Variants in COLEC10 observed in about 807,000 individuals in gnomAD.
The protein encoded by COLEC10 is collectin subfamily member 10, also known as collectin-10.
Under a neutral mutation model 28.4 loss-of-function variants are expected in COLEC10, and 22 were observed. That is an observed-to-expected ratio of 0.78 (90% CI 0.55 to 1.11). COLEC10 has a LOEUF of 1.11. Ranked by LOEUF, COLEC10 falls within the 50% of genes least tolerant of loss-of-function variation. The pLI is 0.00. For synonymous variants in COLEC10, 125 were observed against 116.1 expected (o/e 1.08, Z -0.49); for missense variants, 361 against 344.1 (o/e 1.05, Z -0.39).
intron 2 of COLEC10, among the ~76,000 whole-genome samples, chr8:119,040,738 A>G (rs1814479727): frequency 6.6e-6 from 1 of 152,242 alleles, no homozygotes; most frequent in South Asian, 2.1e-4. Flanking sequence ...GGAACCAACA[A>G]GAGACAGTAA....
the COLEC10 span, among the ~76,000 whole-genome samples, chr8:118,983,292 C>T: frequency 4.6e-5 from 7 of 152,074 alleles, no homozygotes; most frequent in African/African-American, 1.7e-4. Flanking sequence ...GATTTTTACT[C>T]CTTTTGTTTA....
Position 119,103,882 on chromosome 8 carries a change from G to C in COLEC10, c.429G>C (p.Lys143Asn), listed in dbSNP as rs1273323776. ...ISIARLKTSM[K>N]FVKNVIAGIR... ...TTGCTCGGCTCAAGACATCTATGAA[G>C]TTTGTCAAGAATGGTGAGCATATTC... The change falls in exon 5 of 6, where the codon AAG (lysine) becomes AAC (asparagine). Residue 143 changes from lysine (K) to asparagine (N), a missense_variant. Physicochemically the swap from Lys to Asn is moderately conservative, Grantham distance 94 (BLOSUM62 0). This residue lies in a region of COLEC10 where 335 missense variants were observed against 308.5 expected (regional missense o/e 1.09). Transcript: ENST00000332843. The C allele has an allele frequency of 6.2e-7, 1 of 1,609,174 alleles. No individual in the cohort carries two copies. Among genetic ancestry groups the C allele is most frequent in the Non-Finnish European group, 8.5e-7 (1 of 1,175,842 alleles).
intron 2 of COLEC10, among the ~76,000 whole-genome samples, chr8:119,045,861 G>A (rs908377625): frequency 6.6e-6 from 1 of 152,176 alleles, no homozygotes; most frequent in African/African-American, 2.4e-5. Context: ...TTTAGTGAAC[G>A]TGGGGAATTG....
At chr8:119,045,468 A>T (rs986916543) in intron 2 of COLEC10, among the ~76,000 whole-genome samples, 1 of 152,246 alleles carries the variant, frequency 6.6e-6, no homozygotes, top group Non-Finnish European at 1.5e-5. Flanking sequence ...TAGATATGGT[A>T]TAACTTTACT....
chr8:119,042,245 G>T (rs897670196), intron 2 of COLEC10, among the ~76,000 whole-genome samples: 1 of 151,800 alleles, frequency 6.6e-6, no homozygotes, highest in Non-Finnish European at 1.5e-5. Context: ...TAATCTTCCC[G>T]TTTCGGCCTC....
intron 1 of COLEC10, among the ~76,000 whole-genome samples, chr8:119,070,030 A>G (rs1815071993): frequency 6.6e-6 from 1 of 152,190 alleles, no homozygotes. Context: ...GTGAAAACCC[A>G]GTAATGCTAA....
At chr8:119,004,705 A>G (rs576617792) in intron 1 of COLEC10, among the ~76,000 whole-genome samples, 1 of 151,824 alleles carries the variant, frequency 6.6e-6, no homozygotes, top group Non-Finnish European at 1.5e-5. Flanking sequence ...CACCCACACC[A>G]GGCAACATTT....
At position 119,107,994 on chromosome 8, in the gene COLEC10, A is replaced by G. The variant is rs998382221; in HGVS notation, c.*1803A>G. Among the ~76,000 whole-genome samples, 3 of 152,192 alleles carry G rather than the reference A, an allele frequency of 2.0e-5. No individual in the cohort carries two copies. Among genetic ancestry groups the G allele is most frequent in the African/African-American group, 7.2e-5 (3 of 41,462 alleles). On this transcript the variant is annotated 3_prime_UTR_variant, in exon 6 of 6. Coordinates refer to ENST00000332843, the MANE Select transcript of COLEC10 (RefSeq NM_006438.5). Reference sequence around the variant, plus strand: ...TTCTTACTTCTGGAGGAAGGTTCAGAAGGTTCTAACCAAATAGAATGTCAT... The same window carrying G: ...TTCTTACTTCTGGAGGAAGGTTCAGGAGGTTCTAACCAAATAGAATGTCAT...
At chr8:119,091,122 TA>T in intron 2 of COLEC10, 26 bp from the exon 3 acceptor site, 2 of 1,586,924 alleles carry the variant, frequency 1.3e-6, no homozygotes, top group Non-Finnish European at 8.7e-7. Context: ...AACCTTATGA[TA>T]AAAAGATAAC....
intron 1 of COLEC10, among the ~76,000 whole-genome samples, chr8:119,074,443 A>T (rs1815186218): frequency 6.6e-6 from 1 of 152,328 alleles, no homozygotes; most frequent in East Asian, 1.9e-4. Context: ...AATTAAAAAA[A>T]TTTAAAAATA....
At chr8:118,987,303 C>A in the COLEC10 span, among the ~76,000 whole-genome samples, 4 of 152,286 alleles carry the variant, frequency 2.6e-5, no homozygotes, top group Non-Finnish European at 5.9e-5. Context: ...GTGGCTCACA[C>A]CTGTAATCCC....
intron 2 of COLEC10, among the ~76,000 whole-genome samples, chr8:119,028,001 G>T (rs1211894915): frequency 6.6e-6 from 1 of 152,164 alleles, no homozygotes; most frequent in Non-Finnish European, 1.5e-5. Context: ...TTACCTTGAA[G>T]GATCTGTGTC....
chr8:118,963,532 A>G, the COLEC10 span, among the ~76,000 whole-genome samples: 1 of 152,214 alleles, frequency 6.6e-6, no homozygotes, highest in South Asian at 2.1e-4. Context: ...CTAACGTGAA[A>G]TATCCTATTT....
intron 2 of COLEC10, among the ~76,000 whole-genome samples, chr8:119,030,917 T>G (rs1220063672): frequency 6.6e-6 from 1 of 152,226 alleles, no homozygotes; most frequent in Non-Finnish European, 1.5e-5. Flanking sequence ...CTGATGACTC[T>G]GATGGAGGGA....
intron 1 of COLEC10, among the ~76,000 whole-genome samples, chr8:119,008,882 C>T (rs1222011697): frequency 1.3e-5 from 2 of 151,122 alleles, no homozygotes; most frequent in East Asian, 1.9e-4. Flanking sequence ...TGAAGGAAAA[C>T]GTTATCTAGC....
intron 2 of COLEC10, among the ~76,000 whole-genome samples, chr8:119,060,074 A>G (rs115469737): frequency 0.016 from 2,380 of 152,150 alleles, 61 homozygotes; most frequent in African/African-American, 0.055. Context: ...GCTTGAAATT[A>G]TTTTTGAAGT....
chr8:118,963,235 G>T, the COLEC10 span, among the ~76,000 whole-genome samples: 1 of 152,078 alleles, frequency 6.6e-6, no homozygotes, highest in Admixed American at 6.6e-5. Context: ...TTAGTATTTC[G>T]CATACATTAC....
the COLEC10 span, among the ~76,000 whole-genome samples, chr8:118,957,943 G>A: frequency 6.6e-6 from 1 of 152,134 alleles, no homozygotes; most frequent in African/African-American, 2.4e-5. Flanking sequence ...GAAGTCAATT[G>A]CCTGCCTGGA....
At chr8:119,030,503 A>G (rs1814268779) in intron 2 of COLEC10, among the ~76,000 whole-genome samples, 1 of 152,058 alleles carries the variant, frequency 6.6e-6, no homozygotes, top group African/African-American at 2.4e-5. Context: ...GTCTCTACTA[A>G]AAGTGTGTTA....
Sources: gnomAD v4.1 joint callset for allele counts (sites outside exome capture counted in the v4.1 genomes callset) on GRCh38, gnomAD v4.1.1 for gene constraint, gnomAD v4.1.1 regional missense constraint, MANE v1.5 for transcripts, NCBI Gene and HGNC (gene_info 2026-07-23, HGNC 2026-07-21) for gene names.